The following DSCAM variants were observed in gnomAD, a reference collection of about 807,000 sequenced individuals.
The protein encoded by DSCAM is cell adhesion molecule DSCAM.
In DSCAM, 47 loss-of-function variants were observed where a neutral mutation model predicts 217.7. The ratio of observed to expected loss-of-function variants is 0.22; its 90% CI spans 0.17 to 0.28. DSCAM has a LOEUF of 0.28. DSCAM is among the 10% of genes least tolerant of loss of function. The pLI is 1.00. For missense variants in DSCAM, 2,080 were observed against 2,618.3 expected (o/e 0.79, Z 4.49); for synonymous variants, 1,056 against 1,015.3 (o/e 1.04, Z -0.76).
chr21:40,593,761 G>A (rs2077000868), intron 3 of DSCAM, among the ~76,000 whole-genome samples: 1 of 152,194 alleles, frequency 6.6e-6, no homozygotes, highest in Non-Finnish European at 1.5e-5. Context: ...GTCTGAGCCA[G>A]TTCAGCTTAC....
chr21:40,300,348 G>C (rs1022255903), intron 9 of DSCAM, among the ~76,000 whole-genome samples: 3 of 152,112 alleles, frequency 2.0e-5, no homozygotes, highest in African/African-American at 4.8e-5. Flanking sequence ...TTTTTATCAG[G>C]TGCTGATGAT....
At chr21:40,737,640 C>T (rs2091078481) in intron 1 of DSCAM, among the ~76,000 whole-genome samples, 1 of 152,162 alleles carries the variant, frequency 6.6e-6, no homozygotes, top group African/African-American at 2.4e-5. Context: ...AACTCCATCT[C>T]AAAAACACTC....
rs2089523885 is a variant in DSCAM at position 40,085,723 on chromosome 21, G to C, written c.4011C>G (p.Ser1337Arg). Residue 1337 changes from serine to arginine, a missense_variant, in exon 23 of 33, where the codon AGC (serine) becomes AGG (arginine). Ser to Arg is a moderately radical substitution (Grantham distance 110). Transcript: ENST00000400454. ...TAATGAAGCTTCCGTTGCTAAAGATGCTCCTCCGCCCATCAATCGTTACTA... is the reference window on the plus strand; with the variant it reads ...TAATGAAGCTTCCGTTGCTAAAGATCCTCCTCCGCCCATCAATCGTTACTA... ...PSLVTIDGRR[S>R]IFSNGSFIIR... is the part of the protein sequence containing the mutation. 6.3e-7 allele frequency: 1 copy of C among 1,584,024 alleles called. No individual in the cohort carries two copies. The highest frequency in any genetic ancestry group is 8.6e-7 in the Non-Finnish European group (1 of 1,157,098).
intron 3 of DSCAM, among the ~76,000 whole-genome samples, chr21:40,573,215 G>A (rs980071522): frequency 1.3e-5 from 2 of 152,102 alleles, no homozygotes; most frequent in African/African-American, 4.8e-5. Context: ...GCGGGTGACT[G>A]TAGTCCCAGC....
chr21:40,791,822 G>A (rs555079615), intron 1 of DSCAM, among the ~76,000 whole-genome samples: 1 of 152,204 alleles, frequency 6.6e-6, no homozygotes, highest in South Asian at 2.1e-4. Context: ...AGGGACTCAG[G>A]CCGTGAAGCT....
intron 1 of DSCAM, among the ~76,000 whole-genome samples, chr21:40,817,086 C>CT (rs397772533): frequency 0.44 from 64,240 of 147,434 alleles, 13,972 homozygotes; most frequent in East Asian, 0.61. Flanking sequence ...AAATTAGATT[C>CT]TTTTTTTTTT....
At chr21:40,075,982 G>C (rs2089360370) in intron 26 of DSCAM, among the ~76,000 whole-genome samples, 1 of 152,028 alleles carries the variant, frequency 6.6e-6, no homozygotes, top group South Asian at 2.1e-4. Flanking sequence ...TTTTTATGAG[G>C]TATATATTTT....
At chr21:40,565,329 C>G (rs959051649) in intron 3 of DSCAM, among the ~76,000 whole-genome samples, 31 of 151,834 alleles carry the variant, frequency 2.0e-4, no homozygotes, top group African/African-American at 7.2e-4. Context: ...GAGAAGCCAT[C>G]TGTGACTACG....
intron 16 of DSCAM, among the ~76,000 whole-genome samples, chr21:40,153,831 G>C (rs774374907): frequency 8.5e-5 from 13 of 152,124 alleles, no homozygotes; most frequent in Non-Finnish European, 1.6e-4. Context: ...ATTTAGATTT[G>C]GCTTTGCTGG....
intron 18 of DSCAM, 96 bp from the exon 19 acceptor site, chr21:40,134,105 A>G: frequency 2.8e-6 from 4 of 1,445,932 alleles, no homozygotes; most frequent in South Asian, 2.8e-5. Flanking sequence ...GTGCCATGCC[A>G]TCACCCGTCC....
intron 11 of DSCAM, among the ~76,000 whole-genome samples, chr21:40,201,666 C>T (rs1189173251): frequency 6.6e-6 from 1 of 152,142 alleles, no homozygotes; most frequent in Non-Finnish European, 1.5e-5. Context: ...GTTTCAAACT[C>T]CCAATCTCAG....
chr21:40,171,919 C>A (rs149586669), intron 15 of DSCAM, among the ~76,000 whole-genome samples: 1 of 152,236 alleles, frequency 6.6e-6, no homozygotes, highest in Admixed American at 6.5e-5. Flanking sequence ...TAGGTATATC[C>A]ATTTATTTAA....
At chr21:40,749,503 C>A (rs1421885082) in intron 1 of DSCAM, among the ~76,000 whole-genome samples, 2 of 152,008 alleles carry the variant, frequency 1.3e-5, no homozygotes, top group Non-Finnish European at 2.9e-5. Flanking sequence ...CAGGGAAATG[C>A]AAATCAAAAC....
At chr21:40,829,169 C>T (rs1195920259) in intron 1 of DSCAM, among the ~76,000 whole-genome samples, 3 of 152,186 alleles carry the variant, frequency 2.0e-5, no homozygotes, top group Non-Finnish European at 2.9e-5. Context: ...GGAGTGGACG[C>T]TGATCACATG....
chr21:40,158,089 G>A (rs2090499455), intron 16 of DSCAM, among the ~76,000 whole-genome samples: 1 of 152,136 alleles, frequency 6.6e-6, no homozygotes, highest in African/African-American at 2.4e-5. Flanking sequence ...GGAGAATATT[G>A]AAAAAGTTGT....
At chr21:40,385,299 T>G (rs1781579277) in intron 3 of DSCAM, 1 of 152,220 alleles carries the variant, frequency 6.6e-6, no homozygotes, top group Non-Finnish European at 1.5e-5. Context: ...TAAAGTATAT[T>G]TTATGAATGT....
intron 11 of DSCAM, among the ~76,000 whole-genome samples, chr21:40,256,940 A>T (rs549665515): frequency 6.6e-6 from 1 of 152,324 alleles, no homozygotes; most frequent in Admixed American, 6.5e-5. Context: ...CCCTGAGCAC[A>T]ACTGAAAGCA....
chr21:40,759,723 C>T (rs1460586587), intron 1 of DSCAM, among the ~76,000 whole-genome samples: 2 of 152,126 alleles, frequency 1.3e-5, no homozygotes, highest in Non-Finnish European at 2.9e-5. Flanking sequence ...AAGCCAGCTC[C>T]CCATCCCTCC....
chr21:40,501,063 G>T (rs1005844850), intron 3 of DSCAM, among the ~76,000 whole-genome samples: 1 of 152,196 alleles, frequency 6.6e-6, no homozygotes, highest in South Asian at 2.1e-4. Context: ...CAGCCTAAAG[G>T]TAGAATTAGT....
Sources: gnomAD v4.1 joint callset for allele counts (sites outside exome capture counted in the v4.1 genomes callset) on GRCh38, gnomAD v4.1.1 for gene constraint, MANE v1.5 for transcripts, NCBI Gene and HGNC (gene_info 2026-07-23, HGNC 2026-07-21) for gene names.